NRXN3: variants seen among roughly 807,000 people sequenced by gnomAD.
The protein encoded by NRXN3 is neurexin 3, also known as neurexin III.
NRXN3 carries 32 observed loss-of-function variants against 137.6 expected under a neutral mutation model. The observed-to-expected ratio is 0.23, with a 90% CI of 0.18 to 0.31. NRXN3 has a LOEUF of 0.31. NRXN3 is among the 10% of genes least tolerant of loss of function. NRXN3 has a pLI of 1.00. For synonymous variants in NRXN3, 798 were observed against 784.5 expected (o/e 1.02, Z -0.29); for missense variants, 1,574 against 2,062.5 (o/e 0.76, Z 4.59).
At chr14:78,656,872 T>C (rs2097788580) in intron 6 of NRXN3, among the ~76,000 whole-genome samples, 1 of 151,548 alleles carries the variant, frequency 6.6e-6, no homozygotes, top group Non-Finnish European at 1.5e-5. Context: ...TGAAACCCCA[T>C]CTCTACTAAA....
intron 15 of NRXN3, among the ~76,000 whole-genome samples, chr14:79,152,364 A>G (rs1224696538): frequency 6.6e-6 from 1 of 152,168 alleles, no homozygotes; most frequent in Non-Finnish European, 1.5e-5. Context: ...GGAGTTCATC[A>G]AAGTGGATTT....
At chr14:79,347,581 C>G (rs902065889) in intron 15 of NRXN3, among the ~76,000 whole-genome samples, 5 of 152,130 alleles carry the variant, frequency 3.3e-5, no homozygotes, top group African/African-American at 1.2e-4. Context: ...GCCACCACCC[C>G]TGGCTAATTT....
intron 14 of NRXN3, among the ~76,000 whole-genome samples, chr14:78,987,110 G>T (rs1359653674): frequency 6.6e-6 from 1 of 151,286 alleles, no homozygotes; most frequent in Non-Finnish European, 1.5e-5. Flanking sequence ...ACTTCAGACT[G>T]CATTTGAATG....
At chr14:78,635,176 C>T (rs1475132799) in intron 4 of NRXN3, among the ~76,000 whole-genome samples, 1 of 152,122 alleles carries the variant, frequency 6.6e-6, no homozygotes, top group Non-Finnish European at 1.5e-5. Context: ...AAGTAGATTA[C>T]ATTGTCTTCT....
At chr14:79,455,786 T>C (rs1285571388) in intron 15 of NRXN3, among the ~76,000 whole-genome samples, 2 of 151,926 alleles carry the variant, frequency 1.3e-5, no homozygotes, top group Non-Finnish European at 2.9e-5. Context: ...TTATATATTT[T>C]CTTTGACATT....
intron 20 of NRXN3, among the ~76,000 whole-genome samples, chr14:79,852,585 T>A (rs1429745369): frequency 6.6e-6 from 1 of 152,122 alleles, no homozygotes; most frequent in Non-Finnish European, 1.5e-5. Flanking sequence ...CTGCACGCCC[T>A]TTTTATTTTT....
At chr14:78,517,541 A>G (rs778154193) in intron 4 of NRXN3, among the ~76,000 whole-genome samples, 7 of 152,160 alleles carry the variant, frequency 4.6e-5, no homozygotes, top group Non-Finnish European at 1.0e-4. Context: ...TGCTATCTTC[A>G]GTTCACATTT....
intron 4 of NRXN3, among the ~76,000 whole-genome samples, chr14:78,475,629 G>A (rs1228634174): frequency 1.3e-5 from 2 of 152,130 alleles, no homozygotes; most frequent in Non-Finnish European, 2.9e-5. Flanking sequence ...ACAAATTACC[G>A]CTGACAAATA....
intron 15 of NRXN3, among the ~76,000 whole-genome samples, chr14:79,286,701 C>T (rs1277862944): frequency 6.6e-6 from 1 of 151,862 alleles, no homozygotes; most frequent in African/African-American, 2.4e-5. Context: ...TAATGGCATT[C>T]TGGTGGACAG....
intron 4 of NRXN3, among the ~76,000 whole-genome samples, chr14:78,593,157 G>A (rs2097131290): frequency 1.3e-5 from 2 of 152,168 alleles, no homozygotes; most frequent in African/African-American, 4.8e-5. Context: ...CATTATTGCT[G>A]CTGGATAGCT....
chr14:78,213,422 A>T (rs1043351496), intron 1 of NRXN3, among the ~76,000 whole-genome samples: 1 of 152,032 alleles, frequency 6.6e-6, no homozygotes, highest in African/African-American at 2.4e-5. Context: ...GAGAGTGTTC[A>T]GACCTTGATG....
chr14:78,893,575 A>G (rs1037156311), intron 10 of NRXN3, among the ~76,000 whole-genome samples: 7 of 152,098 alleles, frequency 4.6e-5, no homozygotes, highest in Admixed American at 1.3e-4. Context: ...CTAGACCCTA[A>G]TGAAACAATC....
At chr14:78,456,977 C>T (rs1412836958) in intron 4 of NRXN3, among the ~76,000 whole-genome samples, 3 of 146,834 alleles carry the variant, frequency 2.0e-5, no homozygotes, top group African/African-American at 7.6e-5. Flanking sequence ...CTTCTTCCTT[C>T]TCCTCCTTCT....
chr14:79,308,494 T>G (rs1178689166), intron 15 of NRXN3, among the ~76,000 whole-genome samples: 1 of 152,152 alleles, frequency 6.6e-6, no homozygotes, highest in African/African-American at 2.4e-5. Flanking sequence ...CATATGGTAT[T>G]CTCCTGAAGA....
intron 1 of NRXN3, among the ~76,000 whole-genome samples, chr14:78,187,152 T>C (rs1347582167): frequency 6.6e-6 from 1 of 152,200 alleles, no homozygotes; most frequent in Non-Finnish European, 1.5e-5. Context: ...TATTAGTGTC[T>C]TCACTTTACA....
At chr14:78,703,673 A>C (rs1441693559) in intron 6 of NRXN3, 1 of 152,228 alleles carries the variant, frequency 6.6e-6, no homozygotes, top group Non-Finnish European at 1.5e-5. Flanking sequence ...ATGGTACCCC[A>C]ATACTGGCTT....
chr14:78,359,987 T>C (rs957840231), intron 4 of NRXN3, among the ~76,000 whole-genome samples: 1 of 152,172 alleles, frequency 6.6e-6, no homozygotes, highest in Admixed American at 6.5e-5. Context: ...TAAAAATAAC[T>C]TTTCTCAAAG....
intron 16 of NRXN3, among the ~76,000 whole-genome samples, chr14:79,613,331 T>C (rs1311058725): frequency 6.6e-6 from 1 of 152,246 alleles, no homozygotes; most frequent in African/African-American, 2.4e-5. Flanking sequence ...TTACAGTGAG[T>C]ACAATTTTTA....
At chr14:78,731,382 T>G (rs2098514603) in intron 8 of NRXN3, among the ~76,000 whole-genome samples, 1 of 152,122 alleles carries the variant, frequency 6.6e-6, no homozygotes, top group African/African-American at 2.4e-5. Flanking sequence ...AAAATTAATA[T>G]ATATTTACTG....
Sources: allele counts gnomAD v4.1 joint callset (sites outside exome capture counted in the v4.1 genomes callset), GRCh38; gene constraint gnomAD v4.1.1; transcripts MANE v1.5; gene names NCBI Gene and HGNC (gene_info 2026-07-23, HGNC 2026-07-21).